PPP2CB: variants seen among roughly 807,000 people sequenced by gnomAD.
PPP2CB encodes the protein protein phosphatase 2 catalytic subunit beta.
PPP2CB carries 18 observed loss-of-function variants against 39.1 expected under a neutral mutation model. The observed-to-expected ratio is 0.46, with a 90% CI of 0.32 to 0.68. The LOEUF (loss-of-function observed/expected upper bound fraction) is 0.68. Ranked by LOEUF, PPP2CB falls within the 30% of genes least tolerant of loss-of-function variation. PPP2CB has a pLI of 0.04. For synonymous variants in PPP2CB, 129 were observed against 133.8 expected, an observed-to-expected ratio of 0.96 and a Z score of 0.25; for missense variants, 226 against 396.9, an observed-to-expected ratio of 0.57 and a Z score of 3.66.
At chr8:30,791,169 T>C (rs1410963626) in intron 6 of PPP2CB, 28 bp downstream of exon 6, 4 of 1,450,442 alleles carry the variant, frequency 2.8e-6, no homozygotes, top group Non-Finnish European at 3.8e-6. Flanking sequence ...TCTGAAAGTA[T>C]ATACAATTAA....
At chr8:30,809,627 G>C (rs1806790120) in intron 1 of PPP2CB, among the ~76,000 whole-genome samples, 1 of 152,028 alleles carries the variant, frequency 6.6e-6, no homozygotes, top group African/African-American at 2.4e-5. Flanking sequence ...ATGCTTTGTG[G>C]GTAAGGACAA....
chr8:30,799,415 T>C, intron 2 of PPP2CB, 131 bp downstream of exon 2: 3 of 716,432 alleles, frequency 4.2e-6, no homozygotes, highest in Admixed American at 6.0e-5. Context: ...TTTAAAAAGA[T>C]GTAAAACCAA....
intron 6 of PPP2CB, among the ~76,000 whole-genome samples, chr8:30,790,255 G>A (rs969154349): frequency 2.6e-5 from 4 of 152,112 alleles, no homozygotes; most frequent in Non-Finnish European, 4.4e-5. Context: ...CTCCTGAGTG[G>A]GTATGGCTAG....
chr8:30,812,041 G>A (rs908810799), intron 1 of PPP2CB, among the ~76,000 whole-genome samples: 1 of 152,062 alleles, frequency 6.6e-6, no homozygotes, highest in Non-Finnish European at 1.5e-5. Flanking sequence ...AGGGGGCTAC[G>A]TTTCCCCGCC....
At chr8:30,790,239 T>G (rs1166208563) in intron 6 of PPP2CB, among the ~76,000 whole-genome samples, 1 of 152,196 alleles carries the variant, frequency 6.6e-6, no homozygotes, top group Non-Finnish European at 1.5e-5. Context: ...ATCCTACTCT[T>G]GACTGCTCCT....
chr8:30,786,410 C>T, intron 6 of PPP2CB, 103 bp from the exon 7 acceptor site: 1 of 913,698 alleles, frequency 1.1e-6, no homozygotes, highest in Non-Finnish European at 1.7e-6. Context: ...TCCTGCTTTC[C>T]CACCATGACT....
In PPP2CB at chr8:30,812,735, C is replaced by T; in HGVS notation, c.-314G>A. On this transcript the variant is annotated 5_prime_UTR_variant, in exon 1 of 7. Coordinates refer to ENST00000221138, the MANE Select transcript of PPP2CB (RefSeq NM_001009552.2). Reference sequence around the variant, plus strand: ...CGCGGCGCGGGTCCTCGGCCTAGCTCTCGCCGGACGAAGGCCGCCCGCTGC... The same window carrying T: ...CGCGGCGCGGGTCCTCGGCCTAGCTTTCGCCGGACGAAGGCCGCCCGCTGC... 2.1e-6 allele frequency: 1 copy of T among 477,676 alleles called. No individual in the cohort carries two copies. Among genetic ancestry groups the T allele is most frequent in the Non-Finnish European group, 4.1e-6 (1 of 241,954 alleles). The allele number at this position is 477,676 out of a possible 1,614,324, so 29.6% of individuals were successfully genotyped here.
chr8:30,786,970 T>A (rs1161230586), intron 6 of PPP2CB, among the ~76,000 whole-genome samples: 1 of 152,150 alleles, frequency 6.6e-6, no homozygotes, highest in Non-Finnish European at 1.5e-5. Context: ...AGGCCTAATA[T>A]CACTATTTTC....
intron 1 of PPP2CB, among the ~76,000 whole-genome samples, chr8:30,806,985 C>T (rs868218802): frequency 2.0e-5 from 3 of 152,132 alleles, no homozygotes; most frequent in African/African-American, 2.4e-5. Flanking sequence ...TCCACTTTCC[C>T]GCCATTAGCA....
At chr8:30,789,732 C>T (rs907884118) in intron 6 of PPP2CB, among the ~76,000 whole-genome samples, 2 of 152,188 alleles carry the variant, frequency 1.3e-5, no homozygotes, top group African/African-American at 4.8e-5. Flanking sequence ...GCCTCACATA[C>T]TAGTGATGGT....
chr8:30,805,187 C>G (rs1367067775), intron 1 of PPP2CB, among the ~76,000 whole-genome samples: 1 of 152,208 alleles, frequency 6.6e-6, no homozygotes, highest in Non-Finnish European at 1.5e-5. Flanking sequence ...TGAACCAATT[C>G]TGAGCTCTCA....
intron 1 of PPP2CB, among the ~76,000 whole-genome samples, chr8:30,808,815 T>C (rs1419928574): frequency 6.6e-6 from 1 of 152,328 alleles, no homozygotes; most frequent in Middle Eastern, 3.4e-3. Flanking sequence ...TCTATTCATT[T>C]TGCATTTCTT....
intron 6 of PPP2CB, among the ~76,000 whole-genome samples, chr8:30,790,289 C>A (rs1806409788): frequency 6.6e-6 from 1 of 152,082 alleles, no homozygotes; most frequent in African/African-American, 2.4e-5. Context: ...CCTTCTTGTC[C>A]CCCAGGGCTG....
chr8:30,786,883 G>C (rs147829300), intron 6 of PPP2CB, among the ~76,000 whole-genome samples: 1,857 of 151,810 alleles, frequency 0.012, 22 homozygotes, highest in Non-Finnish European at 0.021. Flanking sequence ...AGCCAGGATG[G>C]TCTCATCTCC....
intron 5 of PPP2CB, 51 bp downstream of exon 5, chr8:30,793,866 G>C (rs781233464): frequency 2.8e-5 from 43 of 1,515,476 alleles, no homozygotes; most frequent in Non-Finnish European, 8.0e-6. Context: ...CCTTATTACA[G>C]AAGTATATAC....
intron 1 of PPP2CB, among the ~76,000 whole-genome samples, chr8:30,802,318 C>G (rs1475321861): frequency 2.0e-5 from 3 of 152,078 alleles, no homozygotes; most frequent in Admixed American, 2.0e-4. Context: ...AAACAGCTCC[C>G]AATACACCAC....
chr8:30,811,049 A>C (rs1806817129), intron 1 of PPP2CB, among the ~76,000 whole-genome samples: 1 of 152,204 alleles, frequency 6.6e-6, no homozygotes, highest in Admixed American at 6.5e-5. Context: ...AATACATGAA[A>C]ATTATTTAGT....
intron 5 of PPP2CB, chr8:30,793,283 G>A (rs1209384976): frequency 6.6e-6 from 1 of 152,166 alleles, no homozygotes; most frequent in Non-Finnish European, 1.5e-5. Flanking sequence ...CAAGAATGTG[G>A]AAAACAATGA....
intron 1 of PPP2CB, among the ~76,000 whole-genome samples, chr8:30,809,350 T>A (rs1806784868): frequency 6.6e-6 from 1 of 152,082 alleles, no homozygotes; most frequent in African/African-American, 2.4e-5. Flanking sequence ...ACAGGATGAA[T>A]GCTACACTTG....
Sources: allele counts gnomAD v4.1 joint callset (sites outside exome capture counted in the v4.1 genomes callset), GRCh38; gene constraint gnomAD v4.1.1; transcripts MANE v1.5; gene names NCBI Gene and HGNC (gene_info 2026-07-23, HGNC 2026-07-21).